CNTNAP2: variants seen among roughly 807,000 people sequenced by gnomAD.
The protein encoded by CNTNAP2 is contactin associated protein 2.
A neutral mutation model predicts 155.2 loss-of-function variants in CNTNAP2; 98 were observed. That is an observed-to-expected ratio of 0.63 (90% CI 0.54 to 0.75). The LOEUF is 0.75. Ranked by LOEUF, CNTNAP2 falls within the 30% of genes least tolerant of loss-of-function variation. The pLI is 0.00. For synonymous variants in CNTNAP2, 651 were observed against 631.2 expected (o/e 1.03, Z -0.47); for missense variants, 1,727 against 1,688.1 (o/e 1.02, Z -0.40).
At chr7:148,015,423 A>T (rs2116911092) in intron 15 of CNTNAP2, among the ~76,000 whole-genome samples, 1 of 152,266 alleles carries the variant, frequency 6.6e-6, no homozygotes, top group African/African-American at 2.4e-5. Context: ...TCTGCTCCTA[A>T]ATCCAAGGAC....
At chr7:147,867,157 C>G (rs1321986688) in intron 13 of CNTNAP2, among the ~76,000 whole-genome samples, 1 of 152,174 alleles carries the variant, frequency 6.6e-6, no homozygotes, top group African/African-American at 2.4e-5. Context: ...GTGACAAAAT[C>G]TCTCAGCATT....
At chr7:147,240,287 C>T (rs576461188) in intron 8 of CNTNAP2, among the ~76,000 whole-genome samples, 5 of 152,054 alleles carry the variant, frequency 3.3e-5, no homozygotes, top group Non-Finnish European at 5.9e-5. Context: ...ATTGTGCCAC[C>T]GCACTCCAGC....
intron 1 of CNTNAP2, among the ~76,000 whole-genome samples, chr7:146,335,175 T>G (rs546550540): frequency 2.0e-5 from 3 of 152,338 alleles, no homozygotes; most frequent in African/African-American, 7.2e-5. Flanking sequence ...TGTTCTGAAC[T>G]TCACATCAAA....
chr7:146,520,939 C>T (rs536589482), intron 1 of CNTNAP2, among the ~76,000 whole-genome samples: 2 of 151,906 alleles, frequency 1.3e-5, no homozygotes, highest in African/African-American at 4.8e-5. Flanking sequence ...GACTCCAACA[C>T]TTTCCATCCT....
chr7:146,460,817 G>T (rs1015342083), intron 1 of CNTNAP2, among the ~76,000 whole-genome samples: 12 of 152,154 alleles, frequency 7.9e-5, no homozygotes, highest in African/African-American at 2.9e-4. Flanking sequence ...AGTGTCTGGG[G>T]TATAGGGCAG....
intron 1 of CNTNAP2, among the ~76,000 whole-genome samples, chr7:146,538,021 G>T (rs1797896115): frequency 6.6e-6 from 1 of 152,028 alleles, no homozygotes; most frequent in Non-Finnish European, 1.5e-5. Flanking sequence ...GTACTATATT[G>T]AAAATAGATG....
intron 8 of CNTNAP2, among the ~76,000 whole-genome samples, chr7:147,285,977 T>C (rs35083552): frequency 0.034 from 5,222 of 152,150 alleles, 122 homozygotes; most frequent in Non-Finnish European, 0.052. Flanking sequence ...TTGTAAAATA[T>C]AGAGAAGCGT....
chr7:148,053,083 GA>G (rs1802926013), intron 15 of CNTNAP2, among the ~76,000 whole-genome samples: 2 of 152,030 alleles, frequency 1.3e-5, no homozygotes, highest in South Asian at 4.1e-4. Flanking sequence ...AAAAGTCTTT[GA>G]AGACTATTAA....
intron 11 of CNTNAP2, among the ~76,000 whole-genome samples, chr7:147,492,636 C>CA (rs1420408854): frequency 1.3e-5 from 2 of 152,110 alleles, no homozygotes; most frequent in African/African-American, 4.8e-5. Context: ...GCTATGTGGC[C>CA]AAACTTACTT....
chr7:146,576,111 A>T (rs536893286), intron 1 of CNTNAP2, among the ~76,000 whole-genome samples: 4 of 152,170 alleles, frequency 2.6e-5, no homozygotes, highest in Non-Finnish European at 5.9e-5. Flanking sequence ...GTCACTGAAT[A>T]TATGGCCTTG....
chr7:147,575,116 T>C (rs1411474625), intron 12 of CNTNAP2, among the ~76,000 whole-genome samples: 3 of 147,980 alleles, frequency 2.0e-5, no homozygotes, highest in Non-Finnish European at 4.5e-5. Context: ...AATGTGTGTG[T>C]GTGTGTGTGT....
chr7:147,695,672 C>T (rs1168393775), intron 13 of CNTNAP2, among the ~76,000 whole-genome samples: 1 of 151,970 alleles, frequency 6.6e-6, no homozygotes, highest in African/African-American at 2.4e-5. Flanking sequence ...CTTGGTGGTG[C>T]ATGCCTGTAA....
chr7:148,178,722 A>T (rs1037690144), intron 18 of CNTNAP2, among the ~76,000 whole-genome samples: 1 of 152,230 alleles, frequency 6.6e-6, no homozygotes, highest in African/African-American at 2.4e-5. Context: ...CCTCTTAAGG[A>T]TACCTTGAAA....
At chr7:146,534,814 A>G (rs903941712) in intron 1 of CNTNAP2, among the ~76,000 whole-genome samples, 5 of 151,598 alleles carry the variant, frequency 3.3e-5, no homozygotes, top group Non-Finnish European at 7.4e-5. Context: ...ACTAGAGTCT[A>G]AATCCAAGCT....
chr7:148,358,403 G>T (rs1798558387), intron 21 of CNTNAP2, among the ~76,000 whole-genome samples: 1 of 152,178 alleles, frequency 6.6e-6, no homozygotes, highest in South Asian at 2.1e-4. Flanking sequence ...TGGAAATGAG[G>T]CTGGCTTGAG....
chr7:146,700,050 A>AT (rs1269018325), intron 1 of CNTNAP2, among the ~76,000 whole-genome samples: 1 of 152,072 alleles, frequency 6.6e-6, no homozygotes, highest in East Asian at 1.9e-4. Context: ...GAACAAGGGG[A>AT]TTTTTCTCCC....
chr7:147,632,084 A>G (rs1795095881), intron 12 of CNTNAP2, among the ~76,000 whole-genome samples: 1 of 152,246 alleles, frequency 6.6e-6, no homozygotes, highest in Admixed American at 6.5e-5. Flanking sequence ...TATGTAGGTG[A>G]CAAAGCACTA....
intron 9 of CNTNAP2, among the ~76,000 whole-genome samples, chr7:147,336,242 A>G (rs700295): frequency 0.79 from 120,443 of 152,076 alleles, 48,377 homozygotes; most frequent in African/African-American, 0.93. Context: ...AGAACCTGAG[A>G]GGTTTGCTGT....
intron 3 of CNTNAP2, among the ~76,000 whole-genome samples, chr7:146,999,638 C>G (rs907277978): frequency 2.0e-5 from 3 of 151,808 alleles, no homozygotes; most frequent in Non-Finnish European, 4.4e-5. Context: ...TTCTGAAAAA[C>G]AGCTTTGCAG....
Sources: gnomAD v4.1 joint callset for allele counts (sites outside exome capture counted in the v4.1 genomes callset) on GRCh38, gnomAD v4.1.1 for gene constraint, MANE v1.5 for transcripts, NCBI Gene and HGNC (gene_info 2026-07-23, HGNC 2026-07-21) for gene names.